NARS2: variants seen among roughly 807,000 people sequenced by gnomAD.
NARS2 encodes the protein asparaginyl-tRNA synthetase.
In NARS2, 60 loss-of-function variants were observed where a neutral mutation model predicts 62.9. That is an observed-to-expected ratio of 0.95 (90% CI 0.77 to 1.18). NARS2 has a LOEUF of 1.18. Ranked by LOEUF, NARS2 falls within the 50% of genes most tolerant of loss-of-function variation. NARS2 has a pLI of 0.00. For synonymous variants in NARS2, 196 were observed against 200.0 expected, an observed-to-expected ratio of 0.98 and a Z score of 0.17; for missense variants, 619 against 576.4, an observed-to-expected ratio of 1.07 and a Z score of -0.76.
chr11:78,526,746 A>G (rs1371609793), intron 6 of NARS2, among the ~76,000 whole-genome samples: 2 of 152,190 alleles, frequency 1.3e-5, no homozygotes, highest in Admixed American at 6.5e-5. Flanking sequence ...TAGTGGTATT[A>G]TAATAGAGAA....
intron 7 of NARS2, among the ~76,000 whole-genome samples, chr11:78,487,395 G>GAGAA (rs1163204047): frequency 9.3e-5 from 14 of 150,122 alleles, no homozygotes; most frequent in South Asian, 2.1e-4. Context: ...GAGAGAGAGA[G>GAGAA]AGAAAGAAAG....
Position 78,528,841 on chromosome 11 carries a change from C to T in NARS2, c.689+1G>A, listed in dbSNP as rs1861384962. On this transcript the variant is annotated splice_donor_variant, in intron 6 of 13. Transcript: ENST00000281038. LOFTEE classifies it high-confidence loss of function. ...GCAAAAGAGAAAGGAAAATTTCATA[C>T]CCTGACATCACTTCTAGATGAAGTT... The T allele has an allele frequency of 6.3e-7, 1 of 1,599,636 alleles. No individual in the cohort carries two copies. The highest frequency in any genetic ancestry group is 1.1e-5 in the South Asian group (1 of 90,680).
At chr11:78,488,876 G>T (rs991605433) in intron 7 of NARS2, among the ~76,000 whole-genome samples, 1 of 152,080 alleles carries the variant, frequency 6.6e-6, no homozygotes, top group Non-Finnish European at 1.5e-5. Flanking sequence ...TCAACAAATG[G>T]TGCTGGAGCA....
At chr11:78,506,227 A>G (rs972475728) in intron 6 of NARS2, among the ~76,000 whole-genome samples, 2 of 152,238 alleles carry the variant, frequency 1.3e-5, no homozygotes, top group African/African-American at 4.8e-5. Flanking sequence ...ACCAACCGGC[A>G]TCCTCATCCA....
intron 11 of NARS2, among the ~76,000 whole-genome samples, chr11:78,457,052 G>A (rs536613506): frequency 6.6e-6 from 1 of 152,316 alleles, no homozygotes; most frequent in African/African-American, 2.4e-5. Context: ...GAGAAATTGA[G>A]GCTGAAAGAT....
At chr11:78,509,967 G>A (rs906910269) in intron 6 of NARS2, among the ~76,000 whole-genome samples, 8 of 151,932 alleles carry the variant, frequency 5.3e-5, no homozygotes, top group African/African-American at 1.7e-4. Context: ...TAACGACAAA[G>A]AAAATAGCTA....
chr11:78,466,899 G>T (rs563518467), intron 10 of NARS2, among the ~76,000 whole-genome samples: 18 of 152,188 alleles, frequency 1.2e-4, no homozygotes, highest in African/African-American at 4.1e-4. Flanking sequence ...TAAATTCCAG[G>T]TACCATATGA....
At chr11:78,440,970 A>C (rs192595587) in intron 13 of NARS2, 121 bp downstream of exon 13, 2 of 842,808 alleles carry the variant, frequency 2.4e-6, no homozygotes, top group East Asian at 2.4e-5. Flanking sequence ...TGACCTAAGA[A>C]CAGTTAAGTT....
chr11:78,526,964 G>C (rs768076839), intron 6 of NARS2, among the ~76,000 whole-genome samples: 1 of 152,148 alleles, frequency 6.6e-6, no homozygotes, highest in African/African-American at 2.4e-5. Context: ...AGGCCCATTC[G>C]ACGATTACTT....
At position 78,468,908 on chromosome 11, in the gene NARS2, A is replaced by T. The variant is rs1264442161; in HGVS notation, c.1026+339T>A. 2.0e-5 allele frequency among the ~76,000 whole-genome samples: 3 copies of T among 151,014 alleles called. No individual in the cohort carries two copies. The East Asian group carries it at 5.9e-4, about 29-fold the overall frequency. Reference sequence around the variant, plus strand: ...TGGCCTCCCAAAGTGCTGGAATTATAGGCGTGAGCCCCAACACCTGGTCTC... The same window carrying T: ...TGGCCTCCCAAAGTGCTGGAATTATTGGCGTGAGCCCCAACACCTGGTCTC... On this transcript the variant is annotated intron_variant, in intron 10 of 13. Transcript: ENST00000281038.
chr11:78,508,565 G>C (rs1860591618), intron 6 of NARS2, among the ~76,000 whole-genome samples: 1 of 148,720 alleles, frequency 6.7e-6, no homozygotes, highest in Admixed American at 6.7e-5. Flanking sequence ...CTCCAGCCAA[G>C]TGACAGAGGG....
At position 78,548,011 on chromosome 11, in the gene NARS2, A is replaced by G. The variant is rs150687132; in HGVS notation, c.594+11528T>C. Among the ~76,000 whole-genome samples the G allele has an allele frequency of 7.8e-3, 1,180 of 152,254 alleles. 14 individuals are homozygous for G. Among genetic ancestry groups the G allele is most frequent in the Middle Eastern group, 0.02 (6 of 294 alleles). On this transcript the variant is annotated intron_variant, in intron 5 of 13. Coordinates refer to ENST00000281038, the MANE Select transcript of NARS2 (RefSeq NM_024678.6). ...GAGATTGGAGGATCGCTTGAGTCCA[A>G]GAGTTTGAGACCAGCCTAGGCAACA...
intron 4 of NARS2, among the ~76,000 whole-genome samples, chr11:78,560,994 G>T (rs1205629882): frequency 1.3e-5 from 2 of 152,182 alleles, no homozygotes; most frequent in African/African-American, 4.8e-5. Flanking sequence ...AGGGGAGGTG[G>T]AGAGGGAGGA....
intron 5 of NARS2, among the ~76,000 whole-genome samples, chr11:78,547,859 T>C (rs1855941108): frequency 6.6e-6 from 1 of 150,736 alleles, no homozygotes; most frequent in African/African-American, 2.4e-5. Flanking sequence ...TAAAAGGAAC[T>C]TACCATCTAC....
intron 11 of NARS2, among the ~76,000 whole-genome samples, chr11:78,449,417 G>A (rs143272392): frequency 5.9e-5 from 9 of 152,066 alleles, no homozygotes; most frequent in African/African-American, 1.4e-4. Flanking sequence ...GATTACAGGC[G>A]TGAGCCACCG....
chr11:78,503,379 A>C (rs1860359398), intron 6 of NARS2, among the ~76,000 whole-genome samples: 1 of 152,128 alleles, frequency 6.6e-6, no homozygotes, highest in Non-Finnish European at 1.5e-5. Context: ...CAGGGACTAC[A>C]GGCGCGTGCC....
chr11:78,518,760 G>A (rs929486404), intron 6 of NARS2, among the ~76,000 whole-genome samples: 3 of 152,072 alleles, frequency 2.0e-5, no homozygotes, highest in Admixed American at 1.3e-4. Flanking sequence ...TTTGTGATCT[G>A]CCCACCTCGG....
chr11:78,450,017 T>C (rs1857908948), intron 11 of NARS2, among the ~76,000 whole-genome samples: 1 of 152,200 alleles, frequency 6.6e-6, no homozygotes, highest in African/African-American at 2.4e-5. Flanking sequence ...ACTAAAAGCA[T>C]TTGTACAGAA....
At chr11:78,481,160 TA>T (rs1414027349) in intron 7 of NARS2, among the ~76,000 whole-genome samples, 1 of 151,900 alleles carries the variant, frequency 6.6e-6, no homozygotes, top group East Asian at 1.9e-4. Context: ...GGTAAACCAC[TA>T]AAATAATAAA....
Sources: allele counts gnomAD v4.1 joint callset (sites outside exome capture counted in the v4.1 genomes callset), GRCh38; gene constraint gnomAD v4.1.1; transcripts MANE v1.5; gene names NCBI Gene and HGNC (gene_info 2026-07-23, HGNC 2026-07-21).